Variants in TCF4 observed in about 807,000 individuals in gnomAD.
The protein encoded by TCF4 is transcription factor 4, also known as SL3-3 enhancer factor 2.
In TCF4, 3 loss-of-function variants were observed where a neutral mutation model predicts 82.1. That is an observed-to-expected ratio of 0.04 (90% CI 0.02 to 0.09). TCF4 has a LOEUF of 0.09. Ranked by LOEUF, TCF4 falls within the 10% of genes least tolerant of loss-of-function variation. TCF4 has a pLI of 1.00. For synonymous variants in TCF4, 276 were observed against 309.6 expected, an observed-to-expected ratio of 0.89 and a Z score of 1.14; for missense variants, 518 against 852.7, an observed-to-expected ratio of 0.61 and a Z score of 4.89.
intron 8 of TCF4, among the ~76,000 whole-genome samples, chr18:55,342,351 C>T (rs2080171766): frequency 6.6e-6 from 1 of 152,094 alleles, no homozygotes. Context: ...TTATACACCT[C>T]TAAAAATAAA....
At chr18:55,594,388 A>G (rs990524329) in intron 2 of TCF4, among the ~76,000 whole-genome samples, 1 of 152,210 alleles carries the variant, frequency 6.6e-6, no homozygotes, top group African/African-American at 2.4e-5. Flanking sequence ...TGTAGACTCC[A>G]TGATGCCAGA....
At chr18:55,372,550 C>CAGTTA (rs1488957776) in intron 6 of TCF4, among the ~76,000 whole-genome samples, 1 of 151,938 alleles carries the variant, frequency 6.6e-6, no homozygotes, top group African/African-American at 2.4e-5. Flanking sequence ...AAAAGGTGAG[C>CAGTTA]TAACTACAGG....
intron 2 of TCF4, among the ~76,000 whole-genome samples, chr18:55,600,142 G>A (rs1393824163): frequency 6.6e-6 from 1 of 152,080 alleles, no homozygotes; most frequent in Non-Finnish European, 1.5e-5. Flanking sequence ...CCAGGTTTTG[G>A]TTACTATGAG....
chr18:55,460,900 G>A (rs2095857608), intron 5 of TCF4, 119 bp downstream of exon 5: 1 of 837,136 alleles, frequency 1.2e-6, no homozygotes, highest in East Asian at 2.7e-5. Flanking sequence ...ATTATTACAA[G>A]TGAACTGACT....
chr18:55,465,905 TGGAG>T (rs1421916903), intron 3 of TCF4, among the ~76,000 whole-genome samples: 1 of 152,222 alleles, frequency 6.6e-6, no homozygotes. Flanking sequence ...CAAAAAGTAA[TGGAG>T]GAACAGATTT....
At chr18:55,347,649 G>A (rs1022304656) in intron 8 of TCF4, among the ~76,000 whole-genome samples, 2 of 152,188 alleles carry the variant, frequency 1.3e-5, no homozygotes, top group African/African-American at 4.8e-5. Context: ...CTGGGAGGAA[G>A]ACCCAGCCTA....
chr18:55,461,183 C>T lies in TCF4; in HGVS notation c.208-68G>A, dbSNP rs2095862055. On this transcript the variant is annotated intron_variant, in intron 4 of 19. Coordinates refer to ENST00000354452, the MANE Select transcript of TCF4 (RefSeq NM_001083962.2). The stretch of plus-strand genomic sequence containing the variant: ...AAACAGCACATAAACAAACATAGCT[C>T]CACTACCAAAACTTCTCCCCTCCAA... The T allele has an allele frequency of 1.2e-5, 16 of 1,335,424 alleles. 1 individual carries two copies. In the Admixed American group the frequency reaches 2.5e-4, roughly 21 times the overall value. The allele number at this position is 1,335,424 out of a possible 1,614,324, so 82.7% of individuals were successfully genotyped here.
chr18:55,585,626 A>G lies in TCF4; in HGVS notation c.73-274T>C, dbSNP rs745512274. 98 of 561,438 alleles carry G rather than the reference A, an allele frequency of 1.7e-4. 1 individual carries two copies. The highest frequency in any genetic ancestry group is 2.5e-4 in the Non-Finnish European group (93 of 366,210). 34.8% of individuals were successfully genotyped at this position (561,438 alleles called of 1,614,324 possible). On this transcript the variant is annotated intron_variant, in intron 2 of 19. Coordinates refer to ENST00000354452, the MANE Select transcript of TCF4 (RefSeq NM_001083962.2). Reference sequence around the variant, plus strand: ...ATTTGGAACAAACACAGTCCCCATAATGTTATCAAGATTCAGGTTGGAGGC... The same window carrying G: ...ATTTGGAACAAACACAGTCCCCATAGTGTTATCAAGATTCAGGTTGGAGGC...
intron 6 of TCF4, among the ~76,000 whole-genome samples, chr18:55,387,877 T>C (rs1381392739): frequency 1.3e-5 from 2 of 152,162 alleles, no homozygotes; most frequent in East Asian, 3.9e-4. Context: ...AGAAAGCGGG[T>C]ACAAAGACAT....
At chr18:55,602,525 G>C (rs147507703) in intron 2 of TCF4, among the ~76,000 whole-genome samples, 249 of 152,328 alleles carry the variant, frequency 1.6e-3, no homozygotes, top group African/African-American at 5.3e-3. Flanking sequence ...CAAAATTAAA[G>C]TGATTATTAG....
chr18:55,391,566 C>G (rs566099497), intron 6 of TCF4, among the ~76,000 whole-genome samples: 55 of 152,130 alleles, frequency 3.6e-4, no homozygotes, highest in Non-Finnish European at 7.1e-4. Context: ...TGAGCAGAGT[C>G]TCCTGGGCCC....
intron 5 of TCF4, among the ~76,000 whole-genome samples, chr18:55,455,384 A>T (rs1416331661): frequency 2.0e-5 from 3 of 151,950 alleles, no homozygotes; most frequent in Admixed American, 1.3e-4. Context: ...TTTAAATTTA[A>T]CATTAAAGAA....
intron 5 of TCF4, among the ~76,000 whole-genome samples, chr18:55,433,050 T>C (rs746336025): frequency 3.3e-5 from 5 of 152,238 alleles, no homozygotes; most frequent in Non-Finnish European, 7.3e-5. Flanking sequence ...AAAAGTGCAG[T>C]AGTGAATTCG....
intron 3 of TCF4, among the ~76,000 whole-genome samples, chr18:55,545,637 A>T (rs905569154): frequency 9.9e-5 from 15 of 152,076 alleles, no homozygotes; most frequent in Admixed American, 7.9e-4. Flanking sequence ...TTCAGTAGAG[A>T]CAGGGTTTTG....
intron 6 of TCF4, among the ~76,000 whole-genome samples, chr18:55,359,383 T>C (rs1370650912): frequency 6.6e-6 from 1 of 152,214 alleles, no homozygotes. Context: ...ATTCAACTGT[T>C]GTAACATTTA....
At chr18:55,416,233 A>G (rs565372213) in intron 5 of TCF4, among the ~76,000 whole-genome samples, 1 of 152,226 alleles carries the variant, frequency 6.6e-6, no homozygotes, top group Non-Finnish European at 1.5e-5. Flanking sequence ...TGTTGAAACA[A>G]TAGCACAAAT....
chr18:55,506,571 C>T (rs925053937), intron 3 of TCF4, among the ~76,000 whole-genome samples: 6 of 152,068 alleles, frequency 3.9e-5, no homozygotes, highest in Non-Finnish European at 8.8e-5. Context: ...CACACACACA[C>T]ATATACATAC....
At chr18:55,339,571 G>A (rs951143745) in intron 8 of TCF4, among the ~76,000 whole-genome samples, 2 of 152,102 alleles carry the variant, frequency 1.3e-5, no homozygotes, top group South Asian at 2.1e-4. Flanking sequence ...AGCCAACAGG[G>A]ACTTTTCCCG....
chr18:55,625,383 C>T (rs996269920), intron 2 of TCF4, among the ~76,000 whole-genome samples: 3 of 151,970 alleles, frequency 2.0e-5, no homozygotes, highest in East Asian at 1.9e-4. Context: ...GGACTACAGG[C>T]GCACACCACC....
Sources: gnomAD v4.1 joint callset for allele counts (sites outside exome capture counted in the v4.1 genomes callset) on GRCh38, gnomAD v4.1.1 for gene constraint, MANE v1.5 for transcripts, NCBI Gene and HGNC (gene_info 2026-07-23, HGNC 2026-07-21) for gene names.